Variants in COL22A1 observed in about 807,000 individuals in gnomAD.
The protein encoded by COL22A1 is collagen alpha-1(XXII) chain.
COL22A1 carries 221 observed loss-of-function variants against 248.9 expected under a neutral mutation model. The ratio of observed to expected loss-of-function variants is 0.89; its 90% CI spans 0.80 to 0.99. COL22A1 has a LOEUF of 0.99. Ranked by LOEUF, COL22A1 falls within the 50% of genes least tolerant of loss-of-function variation. The probability of loss-of-function intolerance (pLI) is 0.00; values close to 1 mark genes in which losing one functional copy is unlikely to be tolerated. For missense variants in COL22A1, 2,240 were observed against 2,179.0 expected (o/e 1.03, Z -0.56); for synonymous variants, 891 against 793.4 (o/e 1.12, Z -2.07).
At chr8:138,639,137 A>C (rs149488753) in intron 47 of COL22A1, among the ~76,000 whole-genome samples, 2 of 152,276 alleles carry the variant, frequency 1.3e-5, no homozygotes, top group East Asian at 3.9e-4. Flanking sequence ...TTATTCTCTT[A>C]TTGAGCCAGT....
intron 43 of COL22A1, 38 bp from the exon 44 acceptor site, chr8:138,660,518 G>A: frequency 1.3e-6 from 2 of 1,597,726 alleles, no homozygotes; most frequent in Non-Finnish European, 1.7e-6. Flanking sequence ...ACTGTGATAA[G>A]CACACGATCC....
intron 42 of COL22A1, among the ~76,000 whole-genome samples, chr8:138,663,131 C>A (rs1423506477): frequency 6.6e-6 from 1 of 152,162 alleles, no homozygotes; most frequent in African/African-American, 2.4e-5. Context: ...CCACTTGCTA[C>A]AATGCAGCTA....
chr8:138,666,867 T>A (rs1824547347), intron 41 of COL22A1, among the ~76,000 whole-genome samples: 1 of 152,234 alleles, frequency 6.6e-6, no homozygotes, highest in African/African-American at 2.4e-5. Context: ...ATTAAAGGTC[T>A]TCATTTCAAA....
intron 41 of COL22A1, among the ~76,000 whole-genome samples, chr8:138,676,275 A>C (rs956898162): frequency 7.2e-6 from 1 of 138,032 alleles, no homozygotes; most frequent in Non-Finnish European, 1.6e-5. Context: ...AGGCACCTGT[A>C]ATCTCCGTTA....
intron 11 of COL22A1, 70 bp from the exon 12 acceptor site, chr8:138,796,927 A>G (rs552071529): frequency 1.0e-6 from 1 of 982,832 alleles, no homozygotes; most frequent in South Asian, 1.3e-5. Context: ...AAATGGCAAC[A>G]TCATCCCGAG....
chr8:138,661,950 G>T, intron 43 of COL22A1, 80 bp downstream of exon 43: 1 of 1,090,428 alleles, frequency 9.2e-7, no homozygotes, highest in Admixed American at 2.3e-5. Context: ...GGTCAAAGGA[G>T]GCCAGGAGAT....
At chr8:138,741,509 A>G (rs1172718092) in intron 22 of COL22A1, among the ~76,000 whole-genome samples, 2 of 152,262 alleles carry the variant, frequency 1.3e-5, no homozygotes, top group Non-Finnish European at 2.9e-5. Flanking sequence ...CATGATAATT[A>G]TTTCAAAAGA....
At chr8:138,875,090 C>T (rs1479899586) in intron 3 of COL22A1, among the ~76,000 whole-genome samples, 1 of 152,176 alleles carries the variant, frequency 6.6e-6, no homozygotes, top group Non-Finnish European at 1.5e-5. Context: ...ACAGAGTTAA[C>T]ACCAAGACAG....
chr8:138,600,077 T>A (rs771130023), intron 60 of COL22A1, among the ~76,000 whole-genome samples: 1 of 152,192 alleles, frequency 6.6e-6, no homozygotes, highest in Admixed American at 6.5e-5. Context: ...CAACACTGCC[T>A]AGGGCTCATC....
intron 57 of COL22A1, 79 bp from the exon 58 acceptor site, chr8:138,606,531 T>C (rs539981507): frequency 4.3e-6 from 6 of 1,406,132 alleles, no homozygotes; most frequent in Non-Finnish European, 5.9e-6. Flanking sequence ...GTGACCACTC[T>C]GAAATCAAAA....
At chr8:138,650,670 TTAGATAGATAGA>T (rs6150847) in intron 45 of COL22A1, among the ~76,000 whole-genome samples, 3,916 of 151,124 alleles carry the variant, frequency 0.026, 149 homozygotes, top group East Asian at 0.15. Context: ...TCAAGAAAGA[TTAGATAGATAGA>T]TAGATAGATA....
chr8:138,689,506 A>T (rs1190103797), intron 36 of COL22A1, among the ~76,000 whole-genome samples: 1 of 152,184 alleles, frequency 6.6e-6, no homozygotes, highest in East Asian at 1.9e-4. Context: ...ACTTGAGGTC[A>T]GGAGTTCAAG....
intron 59 of COL22A1, among the ~76,000 whole-genome samples, chr8:138,603,097 G>T (rs1818166056): frequency 1.3e-5 from 2 of 152,220 alleles, no homozygotes; most frequent in South Asian, 4.1e-4. Flanking sequence ...GTACTCTTGA[G>T]CTCTTCTGAG....
Position 138,820,020 on chromosome 8 carries a change from A to T in COL22A1, c.1245+1116T>A, listed in dbSNP as rs372513822. Among the ~76,000 whole-genome samples, 34 of 152,286 alleles carry T rather than the reference A, an allele frequency of 2.2e-4. No homozygotes were observed. The South Asian group carries it at 6.2e-3, about 28-fold the overall frequency. On this transcript the variant is annotated intron_variant, in intron 7 of 64. Transcript: ENST00000303045. ...CCTAATTATGTAGTGATACATTAGA[A>T]ACTATCTAAATACCACTAACAGGAG...
chr8:138,859,331 C>T (rs188867630), intron 3 of COL22A1, among the ~76,000 whole-genome samples: 1 of 152,326 alleles, frequency 6.6e-6, no homozygotes, highest in African/African-American at 2.4e-5. Context: ...CCTTGTCAGG[C>T]CCCCCTGAAC....
intron 18 of COL22A1, among the ~76,000 whole-genome samples, chr8:138,759,786 A>G (rs1362182237): frequency 6.6e-6 from 1 of 152,180 alleles, no homozygotes; most frequent in East Asian, 1.9e-4. Context: ...TCAAATACCT[A>G]GGGCATTTTC....
At chr8:138,729,679 A>G (rs1586591571) in intron 23 of COL22A1, among the ~76,000 whole-genome samples, 1 of 152,302 alleles carries the variant, frequency 6.6e-6, no homozygotes, top group East Asian at 1.9e-4. Flanking sequence ...CACAAGTCCA[A>G]GTGGGAAACG....
chr8:138,817,020 C>A (rs1037141551), intron 7 of COL22A1, among the ~76,000 whole-genome samples: 2 of 152,216 alleles, frequency 1.3e-5, no homozygotes, highest in African/African-American at 4.8e-5. Flanking sequence ...TCACTTAATC[C>A]TCACAATAGC....
intron 52 of COL22A1, chr8:138,619,965 G>A (rs751768818): frequency 3.1e-4 from 56 of 179,330 alleles, no homozygotes; most frequent in Middle Eastern, 5.6e-3. Flanking sequence ...CCAGCTGAGC[G>A]CCACACCTAA....
Sources: allele counts gnomAD v4.1 joint callset (sites outside exome capture counted in the v4.1 genomes callset), GRCh38; gene constraint gnomAD v4.1.1; transcripts MANE v1.5; gene names NCBI Gene and HGNC (gene_info 2026-07-23, HGNC 2026-07-21).